Variants in GUCY1A2 observed in about 807,000 individuals in gnomAD.
The protein encoded by GUCY1A2 is guanylate cyclase soluble subunit alpha-2.
In GUCY1A2, 27 loss-of-function variants were observed where a neutral mutation model predicts 63.5. That is an observed-to-expected ratio of 0.43 (90% CI 0.31 to 0.59). The LOEUF is 0.59. GUCY1A2 is among the 20% of genes least tolerant of loss of function. GUCY1A2 has a pLI of 0.11. For missense variants in GUCY1A2, 768 were observed against 913.3 expected, an observed-to-expected ratio of 0.84 and a Z score of 2.05; for synonymous variants, 364 against 343.5, an observed-to-expected ratio of 1.06 and a Z score of -0.66.
chr11:106,972,401 C>T (rs1313594479), intron 3 of GUCY1A2, among the ~76,000 whole-genome samples: 1 of 151,880 alleles, frequency 6.6e-6, no homozygotes, highest in Non-Finnish European at 1.5e-5. Flanking sequence ...AAAATAAACA[C>T]CAACCTACTG....
chr11:106,928,083 C>G (rs1860552497), intron 4 of GUCY1A2, among the ~76,000 whole-genome samples: 1 of 152,122 alleles, frequency 6.6e-6, no homozygotes, highest in African/African-American at 2.4e-5. Context: ...CTACACCTAC[C>G]TTATTCATAG....
intron 3 of GUCY1A2, among the ~76,000 whole-genome samples, chr11:106,976,857 C>T (rs1352514688): frequency 2.0e-5 from 3 of 152,254 alleles, no homozygotes; most frequent in Admixed American, 1.3e-4. Flanking sequence ...TCTTCTCACT[C>T]ACTACTTATC....
chr11:106,827,430 G>A (rs923327), intron 4 of GUCY1A2: 477,138 of 1,442,208 alleles, frequency 0.33, 82,684 homozygotes, highest in Admixed American at 0.51. Context: ...CGATACCACC[G>A]TTCCCTAAGA....
chr11:106,855,556 T>G (rs911262363), intron 4 of GUCY1A2, among the ~76,000 whole-genome samples: 1 of 151,742 alleles, frequency 6.6e-6, no homozygotes, highest in African/African-American at 2.4e-5. Context: ...CAACCCATTT[T>G]GAGTTAATTT....
rs111436249 is a variant in GUCY1A2, at chr11:106,947,814, A to G, written c.488-7636T>C. Among the ~76,000 whole-genome samples the G allele has an allele frequency of 6.3e-3, 953 of 152,166 alleles. 11 individuals are homozygous for G. Among genetic ancestry groups the G allele is most frequent in the African/African-American group, 0.022 (910 of 41,564 alleles). ...CACAATTCTGAGGTACAACAAAACT[A>G]TACTCAAGGAAAATGCCAGAAATGT... On this transcript the variant is annotated intron_variant, in intron 3 of 7. Transcript: ENST00000526355.
chr11:107,017,742 C>T lies in GUCY1A2; in HGVS notation c.303+11G>A. On this transcript the variant is annotated intron_variant, in intron 1 of 7. Coordinates refer to ENST00000526355, the MANE Select transcript of GUCY1A2 (RefSeq NM_000855.3). ...CCCCGAAGGCGGTCCCCCCTTCCGC[C>T]CCCCGCTCACCGAGGGCGCCGTCAG... 4 of 1,383,436 alleles carry T rather than the reference C, an allele frequency of 2.9e-6. No homozygotes were observed. The highest frequency in any genetic ancestry group is 3.7e-6 in the Non-Finnish European group (4 of 1,068,210). 85.7% of individuals were successfully genotyped at this position (1,383,436 alleles called of 1,614,324 possible).
chr11:106,972,349 C>T (rs770979534), intron 3 of GUCY1A2, among the ~76,000 whole-genome samples: 1 of 151,762 alleles, frequency 6.6e-6, no homozygotes, highest in Non-Finnish European at 1.5e-5. Flanking sequence ...AAACCTAAAA[C>T]TACATTAAAA....
At chr11:106,914,942 G>A (rs1364748627) in intron 4 of GUCY1A2, among the ~76,000 whole-genome samples, 2 of 152,106 alleles carry the variant, frequency 1.3e-5, no homozygotes, top group Admixed American at 6.6e-5. Flanking sequence ...AGCAAGAACA[G>A]AGTGGGCTGA....
chr11:106,685,760 G>T lies in GUCY1A2; in HGVS notation c.*1789C>A, dbSNP rs1015180472. ...CCACAGAAGAGGGGGTCAGGCAAAG[G>T]TTTAGAGCTCAAGGTCTATTTCCTG... On this transcript the variant is annotated 3_prime_UTR_variant, in exon 8 of 8. Transcript: ENST00000526355. 3.5e-5 allele frequency: 8 copies of T among 226,864 alleles called. No homozygotes were observed. The highest frequency in any genetic ancestry group is 1.8e-4 in the African/African-American group (8 of 44,958). 14.1% of individuals were successfully genotyped at this position (226,864 alleles called of 1,614,324 possible).
At chr11:106,755,368 G>A (rs1435661292) in intron 6 of GUCY1A2, among the ~76,000 whole-genome samples, 2 of 151,874 alleles carry the variant, frequency 1.3e-5, no homozygotes, top group Admixed American at 6.6e-5. Flanking sequence ...TCTCATCTTA[G>A]TTATTTCTTG....
chr11:106,824,381 C>T (rs1300174067), intron 4 of GUCY1A2, among the ~76,000 whole-genome samples: 3 of 152,116 alleles, frequency 2.0e-5, no homozygotes, highest in African/African-American at 7.2e-5. Context: ...GGCCTTTTAA[C>T]ATAAACTAGG....
chr11:106,731,810 T>C (rs1565272263), intron 6 of GUCY1A2, among the ~76,000 whole-genome samples: 1 of 151,808 alleles, frequency 6.6e-6, no homozygotes, highest in Non-Finnish European at 1.5e-5. Flanking sequence ...AATAAATAAA[T>C]AAACTACCTA....
intron 4 of GUCY1A2, among the ~76,000 whole-genome samples, chr11:106,835,250 C>A (rs1187602326): frequency 1.3e-5 from 2 of 151,382 alleles, no homozygotes; most frequent in African/African-American, 2.4e-5. Flanking sequence ...AAAATAGAAC[C>A]TTTATAAATT....
intron 1 of GUCY1A2, among the ~76,000 whole-genome samples, chr11:106,997,617 A>AAC (rs1861556400): frequency 1.9e-4 from 23 of 119,760 alleles, no homozygotes; most frequent in East Asian, 2.9e-4. Context: ...AAGATAGGGA[A>AAC]CCCCCCCCCC....
Position 106,686,257 on chromosome 11 carries a change from G to A in GUCY1A2, c.*1292C>T, listed in dbSNP as rs531086156. On this transcript the variant is annotated 3_prime_UTR_variant, in exon 8 of 8. Transcript: ENST00000526355. ...GATTAATGAGAACAGGTCTTCATTT[G>A]AGCAGGACATGCGATGGAATCCTAT... is the stretch of plus-strand genomic sequence containing the variant. 4.6e-6 allele frequency: 1 copy of A among 219,104 alleles called. No individual in the cohort carries two copies. Among genetic ancestry groups the A allele is most frequent in the African/African-American group, 2.2e-5 (1 of 44,652 alleles). 13.6% of individuals were successfully genotyped at this position (219,104 alleles called of 1,614,324 possible).
At chr11:106,721,426 T>C (rs546614392) in intron 6 of GUCY1A2, among the ~76,000 whole-genome samples, 1 of 152,280 alleles carries the variant, frequency 6.6e-6, no homozygotes, top group Non-Finnish European at 1.5e-5. Flanking sequence ...GACTGTTATG[T>C]GAAATAAAAT....
In GUCY1A2 at chr11:106,699,614, G is replaced by A. The variant is rs764525202; in HGVS notation, c.1991+8898C>T. The stretch of plus-strand genomic sequence containing the variant: ...AGGTAATTAACTTTTTAGCCCTGCC[G>A]TCATGAGAAGAGAGAACCACCAAGC... On this transcript the variant is annotated intron_variant, in intron 7 of 7. Transcript: ENST00000526355. Among the ~76,000 whole-genome samples, 6 of 151,964 alleles carry A rather than the reference G, an allele frequency of 3.9e-5. 1 individual carries two copies. The highest frequency in any genetic ancestry group is 1.3e-4 in the Admixed American group (2 of 15,252).
At chr11:106,979,533 G>T (rs1861308386) in intron 2 of GUCY1A2, among the ~76,000 whole-genome samples, 1 of 151,846 alleles carries the variant, frequency 6.6e-6, no homozygotes, top group South Asian at 2.1e-4. Context: ...TTGAGTCATG[G>T]TCTTACCATT....
chr11:106,803,878 T>C (rs543481562), intron 5 of GUCY1A2, among the ~76,000 whole-genome samples: 1 of 152,316 alleles, frequency 6.6e-6, no homozygotes, highest in South Asian at 2.1e-4. Flanking sequence ...CCAACCAAAG[T>C]GCTCGCCAAA....
Sources: allele counts gnomAD v4.1 joint callset (sites outside exome capture counted in the v4.1 genomes callset), GRCh38; gene constraint gnomAD v4.1.1; transcripts MANE v1.5; gene names NCBI Gene and HGNC (gene_info 2026-07-23, HGNC 2026-07-21).